TASP1: variants seen among roughly 807,000 people sequenced by gnomAD.
TASP1 encodes taspase 1.
A neutral mutation model predicts 56.6 loss-of-function variants in TASP1; 16 were observed. That is an observed-to-expected ratio of 0.28 (90% CI 0.19 to 0.43). The LOEUF is 0.43. Among genes scored for constraint, TASP1 ranks in the 20% least tolerant of loss-of-function variants. TASP1 has a pLI of 1.00. For missense variants in TASP1, 393 were observed against 511.6 expected, an observed-to-expected ratio of 0.77 and a Z score of 2.24; for synonymous variants, 179 against 184.2, an observed-to-expected ratio of 0.97 and a Z score of 0.23.
chr20:13,250,779 G>T, the TASP1 span, among the ~76,000 whole-genome samples: 1 of 152,164 alleles, frequency 6.6e-6, no homozygotes, highest in East Asian at 1.9e-4. Flanking sequence ...TGAGTAAATG[G>T]ATACATGCCC....
chr20:13,573,169 T>C (rs1205771403), intron 6 of TASP1, among the ~76,000 whole-genome samples: 1 of 152,250 alleles, frequency 6.6e-6, no homozygotes, highest in Non-Finnish European at 1.5e-5. Context: ...ATTATAACTG[T>C]TCTCTTTTGG....
intron 13 of TASP1, among the ~76,000 whole-genome samples, chr20:13,396,913 C>T (rs1190946682): frequency 6.6e-6 from 1 of 152,130 alleles, no homozygotes; most frequent in African/African-American, 2.4e-5. Flanking sequence ...GTCTAAGGAG[C>T]CTTAAAATAA....
At position 13,577,229 on chromosome 20, in the gene TASP1, G is replaced by A. The variant is rs187769909; in HGVS notation, c.488+3668C>T. On this transcript the variant is annotated intron_variant, in intron 6 of 13. Transcript: ENST00000337743. Reference sequence around the variant, plus strand: ...TTATATTACTCCTGGTAAGTGTTTTGTTGAATGATCATAAGACGTTGTAGG... The same window carrying A: ...TTATATTACTCCTGGTAAGTGTTTTATTGAATGATCATAAGACGTTGTAGG... Among the ~76,000 whole-genome samples, 58 of 152,218 alleles carry A rather than the reference G, an allele frequency of 3.8e-4. No homozygotes were observed. The South Asian group carries it at 5.2e-3, about 14-fold the overall frequency.
At chr20:13,149,440 C>A in the TASP1 span, among the ~76,000 whole-genome samples, 1 of 152,198 alleles carries the variant, frequency 6.6e-6, no homozygotes, top group Non-Finnish European at 1.5e-5. Flanking sequence ...AGATGAGTAG[C>A]GTTTTATAGG....
chr20:13,110,086 A>G, the TASP1 span: 171 of 1,185,016 alleles, frequency 1.4e-4, no homozygotes, highest in African/African-American at 2.4e-3. Flanking sequence ...TCATGACTCA[A>G]TTTTTTTTTT....
intron 4 of TASP1, among the ~76,000 whole-genome samples, chr20:13,589,531 T>C (rs980376946): frequency 2.0e-5 from 3 of 152,066 alleles, no homozygotes. Context: ...TAACAACAAA[T>C]GTTCATAACC....
downstream of TASP1, among the ~76,000 whole-genome samples, chr20:13,388,276 TC>T (rs2041178655): frequency 6.6e-6 from 1 of 152,204 alleles, no homozygotes. Context: ...ATTCTCTGGT[TC>T]CAGTAGCTGA....
intron 11 of TASP1, among the ~76,000 whole-genome samples, chr20:13,477,228 C>G (rs1005959188): frequency 6.6e-6 from 1 of 152,016 alleles, no homozygotes; most frequent in African/African-American, 2.4e-5. Context: ...TGACAGTGAT[C>G]CTCTAATGTC....
At chr20:13,280,787 A>G in the TASP1 span, among the ~76,000 whole-genome samples, 1 of 152,222 alleles carries the variant, frequency 6.6e-6, no homozygotes, top group Non-Finnish European at 1.5e-5. Flanking sequence ...AGGCTGGGAA[A>G]TGTATTCTCT....
the TASP1 span, among the ~76,000 whole-genome samples, chr20:13,200,757 C>G: frequency 2.6e-5 from 4 of 152,204 alleles, no homozygotes; most frequent in African/African-American, 9.7e-5. Context: ...AAATTTCCAC[C>G]TAATCTGGAT....
At chr20:13,208,016 C>A in the TASP1 span, among the ~76,000 whole-genome samples, 1 of 152,048 alleles carries the variant, frequency 6.6e-6, no homozygotes, top group Non-Finnish European at 1.5e-5. Flanking sequence ...AAAACTTATA[C>A]CCTATTTATA....
At chr20:13,262,038 C>A in the TASP1 span, among the ~76,000 whole-genome samples, 18 of 152,160 alleles carry the variant, frequency 1.2e-4, no homozygotes, top group African/African-American at 4.1e-4. Context: ...ATACTTGGGC[C>A]TTTTAGGTGC....
chr20:13,598,907 G>A (rs1568632408), intron 4 of TASP1, among the ~76,000 whole-genome samples: 1 of 152,168 alleles, frequency 6.6e-6, no homozygotes, highest in Non-Finnish European at 1.5e-5. Flanking sequence ...CATTTATGCA[G>A]CCAACAGACA....
At chr20:13,327,696 A>C in the TASP1 span, among the ~76,000 whole-genome samples, 1 of 152,194 alleles carries the variant, frequency 6.6e-6, no homozygotes, top group African/African-American at 2.4e-5. Flanking sequence ...GACAAAAACA[A>C]GCAATGGGGA....
At chr20:13,278,699 C>T in the TASP1 span, among the ~76,000 whole-genome samples, 1 of 152,172 alleles carries the variant, frequency 6.6e-6, no homozygotes, top group African/African-American at 2.4e-5. Flanking sequence ...ACAATGACCA[C>T]GGGATTGCTG....
At chr20:13,598,288 C>T (rs1241156362) in intron 4 of TASP1, among the ~76,000 whole-genome samples, 1 of 152,194 alleles carries the variant, frequency 6.6e-6, no homozygotes, top group Non-Finnish European at 1.5e-5. Flanking sequence ...AACTATACTA[C>T]AAGGCTACAG....
At chr20:13,123,236 CAGG>C in the TASP1 span, among the ~76,000 whole-genome samples, 1 of 151,830 alleles carries the variant, frequency 6.6e-6, no homozygotes, top group Non-Finnish European at 1.5e-5. Context: ...GAGGCTGAAG[CAGG>C]AGAATTGCTG....
At chr20:13,126,710 C>A in the TASP1 span, 1 of 1,613,950 alleles carries the variant, frequency 6.2e-7, no homozygotes. Flanking sequence ...TGGATGGGAC[C>A]ACTCAAGGTA....
At chr20:13,298,854 G>A in the TASP1 span, 1 of 1,389,622 alleles carries the variant, frequency 7.2e-7, no homozygotes, top group African/African-American at 1.4e-5. Flanking sequence ...GGGCCCTCAG[G>A]AGCAGCCTGG....
Sources: allele counts gnomAD v4.1 joint callset (sites outside exome capture counted in the v4.1 genomes callset), GRCh38; gene constraint gnomAD v4.1.1; transcripts MANE v1.5; gene names NCBI Gene and HGNC (gene_info 2026-07-23, HGNC 2026-07-21).